The following ASIC2 variants were observed in gnomAD, a reference collection of about 807,000 sequenced individuals.
The protein encoded by ASIC2 is acid sensing ion channel subunit 2.
ASIC2 carries 25 observed loss-of-function variants against 57.3 expected under a neutral mutation model. The ratio of observed to expected loss-of-function variants is 0.44; its 90% CI spans 0.32 to 0.61. The LOEUF (loss-of-function observed/expected upper bound fraction) is 0.61, where lower values mean the gene tolerates loss of function less well. Ranked by LOEUF, ASIC2 falls within the 20% of genes least tolerant of loss-of-function variation. The pLI is 0.06. For synonymous variants in ASIC2, 319 were observed against 307.5 expected, an observed-to-expected ratio of 1.04 and a Z score of -0.39; for missense variants, 641 against 738.1, an observed-to-expected ratio of 0.87 and a Z score of 1.52.
intron 1 of ASIC2, among the ~76,000 whole-genome samples, chr17:33,303,732 T>C (rs1176394036): frequency 6.6e-6 from 1 of 152,154 alleles, no homozygotes; most frequent in African/African-American, 2.4e-5. Flanking sequence ...CTTCCTTCTT[T>C]CCTTCTTCTA....
intron 1 of ASIC2, among the ~76,000 whole-genome samples, chr17:33,432,341 C>T (rs2141979060): frequency 6.6e-6 from 1 of 152,254 alleles, no homozygotes; most frequent in African/African-American, 2.4e-5. Context: ...CATAATGAGA[C>T]CTCGTCTCTA....
intron 1 of ASIC2, among the ~76,000 whole-genome samples, chr17:33,763,160 A>G (rs1259565467): frequency 1.3e-5 from 2 of 152,182 alleles, no homozygotes; most frequent in South Asian, 2.1e-4. Context: ...CTCAGGATAC[A>G]AGTCTCCTGA....
intron 1 of ASIC2, among the ~76,000 whole-genome samples, chr17:33,498,451 G>A (rs1018520955): frequency 2.0e-5 from 3 of 152,234 alleles, no homozygotes; most frequent in African/African-American, 7.2e-5. Context: ...TATGCCCAGA[G>A]AGACTCATGA....
At chr17:33,882,348 T>C (rs552729297) in intron 1 of ASIC2, among the ~76,000 whole-genome samples, 1 of 152,288 alleles carries the variant, frequency 6.6e-6, no homozygotes, top group African/African-American at 2.4e-5. Context: ...GGAAAATTTT[T>C]GCAATCTACT....
At chr17:33,350,239 G>A (rs564887923) in intron 1 of ASIC2, among the ~76,000 whole-genome samples, 1 of 152,258 alleles carries the variant, frequency 6.6e-6, no homozygotes, top group East Asian at 1.9e-4. Flanking sequence ...ATGTGTCTAT[G>A]CCTTGCTGCC....
chr17:33,871,287 T>C (rs1414591824), intron 1 of ASIC2, among the ~76,000 whole-genome samples: 1 of 152,204 alleles, frequency 6.6e-6, no homozygotes, highest in African/African-American at 2.4e-5. Context: ...AGTTAACACC[T>C]TGAAGTCATT....
chr17:33,650,510 C>T (rs2142038835), intron 1 of ASIC2, among the ~76,000 whole-genome samples: 1 of 152,308 alleles, frequency 6.6e-6, no homozygotes, highest in Middle Eastern at 3.4e-3. Flanking sequence ...CTTATGTTCA[C>T]ACAAAAATCA....
At chr17:33,219,978 T>A (rs1328107907) in intron 1 of ASIC2, among the ~76,000 whole-genome samples, 1 of 152,060 alleles carries the variant, frequency 6.6e-6, no homozygotes, top group East Asian at 1.9e-4. Context: ...GGGGGTTAAG[T>A]CTCCAGGGGA....
At chr17:33,400,993 C>G (rs981252722) in intron 1 of ASIC2, among the ~76,000 whole-genome samples, 1 of 152,174 alleles carries the variant, frequency 6.6e-6, no homozygotes, top group East Asian at 1.9e-4. Context: ...ACCTCTAAAG[C>G]AGGTCACTGG....
intron 4 of ASIC2, 73 bp downstream of exon 4, chr17:33,028,169 A>G: frequency 1.3e-6 from 2 of 1,560,046 alleles, no homozygotes; most frequent in Non-Finnish European, 8.8e-7. Context: ...AGTGTTTCCC[A>G]TTAGGATGAG....
intron 1 of ASIC2, among the ~76,000 whole-genome samples, chr17:33,508,103 C>A (rs1368397241): frequency 6.6e-6 from 1 of 151,966 alleles, no homozygotes; most frequent in African/African-American, 2.4e-5. Flanking sequence ...CCTTTTCCAT[C>A]TTTTCTCTTC....
At chr17:34,039,831 T>C in intron 1 of ASIC2, 1 of 1,608,146 alleles carries the variant, frequency 6.2e-7, no homozygotes, top group Non-Finnish European at 8.5e-7. Flanking sequence ...CCTCCAATAA[T>C]TTCTGCCGTC....
chr17:33,060,110 T>C (rs1363269901), intron 3 of ASIC2, among the ~76,000 whole-genome samples: 11 of 152,322 alleles, frequency 7.2e-5, no homozygotes, highest in South Asian at 2.1e-4. Flanking sequence ...ATTCTGTAGG[T>C]TGCCTGTTCA....
chr17:33,438,847 CCT>C (rs1491405502), intron 1 of ASIC2, among the ~76,000 whole-genome samples: 4 of 137,752 alleles, frequency 2.9e-5, no homozygotes, highest in African/African-American at 1.1e-4. Context: ...GGCAGGGGAA[CCT>C]TTTTTTTTTT....
chr17:33,825,470 T>C lies in ASIC2; in HGVS notation c.555+330508A>G, dbSNP rs553865831. On this transcript the variant is annotated intron_variant, in intron 1 of 9. Coordinates refer to the ASIC2 transcript ENST00000359872. ...TAACAGGATCCCTAACTGAGGCCCC[T>C]TTACACCCTGAGCAGGAAGGTCCTA... Among the ~76,000 whole-genome samples the C allele has an allele frequency of 8.0e-4, 122 of 152,268 alleles. 1 individual carries two copies. The highest frequency in any genetic ancestry group is 4.1e-3 in the South Asian group (20 of 4,826).
At chr17:33,311,766 T>C (rs932006111) in intron 1 of ASIC2, among the ~76,000 whole-genome samples, 22 of 152,184 alleles carry the variant, frequency 1.4e-4, no homozygotes, top group Non-Finnish European at 2.8e-4. Context: ...CATCAGCTCA[T>C]CCCTAGGCTT....
intron 1 of ASIC2, among the ~76,000 whole-genome samples, chr17:33,511,826 G>A (rs1021782073): frequency 6.6e-6 from 1 of 152,230 alleles, no homozygotes; most frequent in African/African-American, 2.4e-5. Flanking sequence ...AAGGCAGGAT[G>A]TGGGTGCTCT....
intron 1 of ASIC2, among the ~76,000 whole-genome samples, chr17:33,948,246 C>T (rs1206724247): frequency 2.6e-5 from 4 of 152,212 alleles, no homozygotes; most frequent in African/African-American, 9.7e-5. Flanking sequence ...CCTCATTCTG[C>T]AAAGACAAAT....
chr17:34,088,967 C>A (rs918026668), intron 1 of ASIC2, among the ~76,000 whole-genome samples: 6 of 152,216 alleles, frequency 3.9e-5, no homozygotes, highest in Non-Finnish European at 8.8e-5. Flanking sequence ...GGAAAGGGAA[C>A]CTCCTGACCC....
Sources: allele counts gnomAD v4.1 joint callset (sites outside exome capture counted in the v4.1 genomes callset), GRCh38; gene constraint gnomAD v4.1.1; transcripts MANE v1.5; gene names NCBI Gene and HGNC (gene_info 2026-07-23, HGNC 2026-07-21).